The following EFNA5 variants were observed in gnomAD, a reference collection of about 807,000 sequenced individuals.
EFNA5 encodes ephrin A5, also known as ephrin-A5.
A neutral mutation model predicts 22.9 loss-of-function variants in EFNA5; 5 were observed. That is an observed-to-expected ratio of 0.22 (90% CI 0.11 to 0.46). The LOEUF (loss-of-function observed/expected upper bound fraction) is 0.46, where lower values mean the gene tolerates loss of function less well. Among genes scored for constraint, EFNA5 ranks in the 20% least tolerant of loss-of-function variants. EFNA5 has a pLI of 0.99. For synonymous variants in EFNA5, 113 were observed against 112.2 expected (o/e 1.01, Z -0.04); for missense variants, 237 against 293.3 (o/e 0.81, Z 1.40).
chr5:107,658,154 T>C (rs1314022154), intron 1 of EFNA5, among the ~76,000 whole-genome samples: 5 of 152,156 alleles, frequency 3.3e-5, no homozygotes, highest in African/African-American at 9.7e-5. Flanking sequence ...ACATTGAAAG[T>C]AGAAAAACTG....
chr5:107,404,617 G>T (rs1380345886), intron 2 of EFNA5, among the ~76,000 whole-genome samples: 1 of 152,144 alleles, frequency 6.6e-6, no homozygotes, highest in Non-Finnish European at 1.5e-5. Flanking sequence ...GCTTAGGGAG[G>T]ATAAGCAGTT....
chr5:107,524,117 T>C (rs570675553), intron 1 of EFNA5, among the ~76,000 whole-genome samples: 66 of 152,350 alleles, frequency 4.3e-4, no homozygotes, highest in East Asian at 3.9e-4. Flanking sequence ...CTATTTAACC[T>C]CTTTTCACCC....
intron 1 of EFNA5, among the ~76,000 whole-genome samples, chr5:107,564,937 G>A (rs951986897): frequency 6.6e-6 from 1 of 152,136 alleles, no homozygotes; most frequent in South Asian, 2.1e-4. Flanking sequence ...CAGCGTGTGT[G>A]CTTGGCCAGT....
intron 2 of EFNA5, among the ~76,000 whole-genome samples, chr5:107,410,335 A>G (rs1383048951): frequency 6.6e-6 from 1 of 152,182 alleles, no homozygotes; most frequent in Admixed American, 6.5e-5. Context: ...TAGTCTGTAT[A>G]TGTTGCTCAT....
intron 1 of EFNA5, among the ~76,000 whole-genome samples, chr5:107,527,852 A>C (rs1283975317): frequency 6.6e-6 from 1 of 152,128 alleles, no homozygotes; most frequent in African/African-American, 2.4e-5. Context: ...GACTGACAAC[A>C]ACCACGTCAG....
At chr5:107,477,870 C>G (rs1750353840) in intron 1 of EFNA5, among the ~76,000 whole-genome samples, 1 of 151,898 alleles carries the variant, frequency 6.6e-6, no homozygotes, top group Non-Finnish European at 1.5e-5. Flanking sequence ...AAATACATAC[C>G]TCCTCTAAAG....
chr5:107,420,522 T>TAAAAAAAAAAAAAAAAAAAAAAAAAAAA (rs368304882), intron 2 of EFNA5, among the ~76,000 whole-genome samples: 12 of 109,054 alleles, frequency 1.1e-4, no homozygotes, highest in Middle Eastern at 5.5e-3. Context: ...TCTGTGCTTT[T>TAAAAAAAAAAAAAAAAAAAAAAAAAAAA]AAAAAAAAAA....
chr5:107,630,500 A>G (rs1276458983), intron 1 of EFNA5, among the ~76,000 whole-genome samples: 1 of 152,184 alleles, frequency 6.6e-6, no homozygotes, highest in Admixed American at 6.5e-5. Context: ...TTATGTTATA[A>G]AAAGATTAAA....
intron 1 of EFNA5, among the ~76,000 whole-genome samples, chr5:107,568,858 A>G (rs1748716154): frequency 6.6e-6 from 1 of 152,172 alleles, no homozygotes. Flanking sequence ...AGCCCTCCAT[A>G]CTTTTACAAA....
intron 2 of EFNA5, among the ~76,000 whole-genome samples, chr5:107,394,179 G>A (rs1180140292): frequency 1.3e-5 from 2 of 152,056 alleles, no homozygotes; most frequent in African/African-American, 4.8e-5. Flanking sequence ...TTAATGACTC[G>A]CTCATGGCCC....
intron 2 of EFNA5, among the ~76,000 whole-genome samples, chr5:107,401,613 G>C (rs2113035): frequency 0.015 from 2,298 of 152,248 alleles, 59 homozygotes; most frequent in African/African-American, 0.05. Context: ...AGGAGGGGGA[G>C]GTAAAACACA....
chr5:107,631,256 AACACAC>A lies in EFNA5; in HGVS notation c.125+39227_125+39232del, dbSNP rs10616989. 2.6e-3 allele frequency among the ~76,000 whole-genome samples: 380 copies of A among 145,740 alleles called. 1 individual carries two copies. Among genetic ancestry groups the A allele is most frequent in the African/African-American group, 8.7e-3 (340 of 39,100 alleles). On this transcript the variant is annotated intron_variant, in intron 1 of 4. Transcript: ENST00000333274. ...CATTGTTACATAGGGCCTGACTACAAACACACACACACACACACACACACACACACA... is the reference window on the plus strand; with the variant it reads ...CATTGTTACATAGGGCCTGACTACAAACACACACACACACACACACACACA...
chr5:107,593,270 G>C (rs1449003775), intron 1 of EFNA5, among the ~76,000 whole-genome samples: 1 of 152,190 alleles, frequency 6.6e-6, no homozygotes, highest in Non-Finnish European at 1.5e-5. Flanking sequence ...AGGCCAGTCT[G>C]TTTCCAGGAG....
chr5:107,542,219 A>C (rs1321489164), intron 1 of EFNA5, among the ~76,000 whole-genome samples: 1 of 152,132 alleles, frequency 6.6e-6, no homozygotes, highest in Non-Finnish European at 1.5e-5. Context: ...ATATTGTTTA[A>C]AAAAAGTCAA....
chr5:107,520,212 T>C (rs1747564927), intron 1 of EFNA5, among the ~76,000 whole-genome samples: 1 of 152,182 alleles, frequency 6.6e-6, no homozygotes, highest in Non-Finnish European at 1.5e-5. Context: ...CCCGAGGCTT[T>C]CTCTCGCTGT....
chr5:107,493,207 TTTTTTG>T (rs969227695), intron 1 of EFNA5, among the ~76,000 whole-genome samples: 51 of 151,890 alleles, frequency 3.4e-4, no homozygotes, highest in African/African-American at 1.2e-3. Context: ...TTGTTTTTTG[TTTTTTG>T]TTTTTTTTTT....
intron 1 of EFNA5, among the ~76,000 whole-genome samples, chr5:107,638,989 TA>T (rs1357681632): frequency 1.3e-5 from 2 of 152,070 alleles, no homozygotes; most frequent in Non-Finnish European, 2.9e-5. Context: ...TTTAATAAAA[TA>T]GAAAAAAGAT....
rs181021249 is a variant in EFNA5, at chr5:107,577,516, A to G, written c.125+92973T>C. ...GGGAAATTTAAGGATACCCCACTCC[A>G]GATGGATTACATCCAAGGCCCACTT... is the stretch of plus-strand genomic sequence containing the variant. On this transcript the variant is annotated intron_variant, in intron 1 of 4. Coordinates refer to ENST00000333274, the MANE Select transcript of EFNA5 (RefSeq NM_001962.3). Among the ~76,000 whole-genome samples the G allele has an allele frequency of 3.4e-3, 515 of 152,326 alleles. 4 individuals are homozygous for G. The highest frequency in any genetic ancestry group is 6.1e-3 in the Non-Finnish European group (413 of 68,018).
In EFNA5 at chr5:107,670,572, G is replaced by C; in HGVS notation, c.42C>G (p.Leu14=). Residue 14 remains leucine (L), a synonymous_variant, in exon 1 of 5, where the codon CTC becomes CTG. Transcript: ENST00000333274. ...GGTCCTGGCTGAACACACACATCCA[G>C]AGCACCAGAAACACCAGCGTCAACA... ...VEMLTLVFLV[L]WMCVFSQDPG... 6.2e-7 allele frequency: 1 copy of C among 1,602,360 alleles called. No homozygotes were observed. The highest frequency in any genetic ancestry group is 8.5e-7 in the Non-Finnish European group (1 of 1,174,852).
Sources: allele counts gnomAD v4.1 joint callset (sites outside exome capture counted in the v4.1 genomes callset), GRCh38; gene constraint gnomAD v4.1.1; transcripts MANE v1.5; gene names NCBI Gene and HGNC (gene_info 2026-07-23, HGNC 2026-07-21).